MYO3A: variants seen among roughly 807,000 people sequenced by gnomAD.
MYO3A encodes myosin IIIA.
A neutral mutation model predicts 192.7 loss-of-function variants in MYO3A; 180 were observed. That is an observed-to-expected ratio of 0.93 (90% CI 0.83 to 1.06). The LOEUF is 1.06. Among genes scored for constraint, MYO3A ranks in the 50% least tolerant of loss-of-function variants. The probability of loss-of-function intolerance (pLI) is 0.00; values close to 1 mark genes in which losing one functional copy is unlikely to be tolerated. For synonymous variants in MYO3A, 628 were observed against 645.3 expected, an observed-to-expected ratio of 0.97 and a Z score of 0.41; for missense variants, 1,896 against 1,905.0, an observed-to-expected ratio of 1.00 and a Z score of 0.09.
chr10:25,999,088 C>T (rs1479500185), intron 6 of MYO3A, among the ~76,000 whole-genome samples: 2 of 151,986 alleles, frequency 1.3e-5, no homozygotes, highest in Admixed American at 6.5e-5. Context: ...TTAATAGAGA[C>T]GGGGTTTCAC....
intron 17 of MYO3A, among the ~76,000 whole-genome samples, chr10:26,102,243 T>A (rs1484328672): frequency 1.3e-5 from 2 of 152,244 alleles, no homozygotes; most frequent in African/African-American, 4.8e-5. Context: ...GGTTTTCAGC[T>A]CCATCAGATC....
In MYO3A at chr10:26,008,535, AAAAC is replaced by A. The variant is rs1472031818; in HGVS notation, c.509-8278_509-8275del. On this transcript the variant is annotated intron_variant, in intron 6 of 34. Coordinates refer to ENST00000642920, the MANE Select transcript of MYO3A (RefSeq NM_017433.5). ...CTACAATGAACAAATTTACAAGAAA[AAAAC>A]AAACAACCCCCTCAAAAAGTGGGCG... 3.1e-4 allele frequency among the ~76,000 whole-genome samples: 47 copies of A among 149,552 alleles called. 1 individual carries two copies. The highest frequency in any genetic ancestry group is 2.0e-4 in the Admixed American group (3 of 15,100).
chr10:26,170,375 T>C, intron 28 of MYO3A, 41 bp from the exon 29 acceptor site: 2 of 1,602,430 alleles, frequency 1.2e-6, no homozygotes, highest in South Asian at 2.2e-5. Context: ...TTTCTTTTAT[T>C]TGTTTATAAT....
intron 14 of MYO3A, among the ~76,000 whole-genome samples, chr10:26,087,375 C>A (rs1295985181): frequency 6.6e-6 from 1 of 152,098 alleles, no homozygotes; most frequent in Non-Finnish European, 1.5e-5. Flanking sequence ...AAATAGCCAC[C>A]ACTGCTCTCC....
chr10:25,983,746 C>T (rs1027759215), intron 4 of MYO3A, among the ~76,000 whole-genome samples: 3 of 152,272 alleles, frequency 2.0e-5, no homozygotes, highest in East Asian at 1.9e-4. Flanking sequence ...CATCCAAATA[C>T]AAGAAGCTCA....
intron 10 of MYO3A, among the ~76,000 whole-genome samples, chr10:26,037,832 A>G (rs1435414260): frequency 2.6e-5 from 4 of 152,168 alleles, no homozygotes; most frequent in Admixed American, 2.6e-4. Context: ...CAAGGGGGAA[A>G]TTCTACACAC....
At chr10:25,968,377 C>T (rs191944150) in intron 4 of MYO3A, among the ~76,000 whole-genome samples, 2 of 152,204 alleles carry the variant, frequency 1.3e-5, no homozygotes, top group African/African-American at 4.8e-5. Flanking sequence ...AATTTACTGG[C>T]AGAGACCTGC....
intron 20 of MYO3A, among the ~76,000 whole-genome samples, chr10:26,142,631 G>A (rs967455123): frequency 1.3e-5 from 2 of 152,204 alleles, no homozygotes; most frequent in African/African-American, 4.8e-5. Flanking sequence ...TGTTTATAGA[G>A]TAAGGAAATT....
At chr10:26,185,527 A>C (rs1356758955) in intron 31 of MYO3A, among the ~76,000 whole-genome samples, 1 of 151,626 alleles carries the variant, frequency 6.6e-6, no homozygotes, top group Non-Finnish European at 1.5e-5. Flanking sequence ...TTTAGTAGAG[A>C]TGGAGTTTCA....
intron 14 of MYO3A, among the ~76,000 whole-genome samples, chr10:26,078,148 T>C (rs1259515564): frequency 6.7e-6 from 1 of 149,650 alleles, no homozygotes; most frequent in East Asian, 1.9e-4. Flanking sequence ...TTTTTTTTGG[T>C]AATTTTAAAA....
At chr10:26,210,470 A>C (rs1008284706) in intron 34 of MYO3A, among the ~76,000 whole-genome samples, 2 of 152,142 alleles carry the variant, frequency 1.3e-5, no homozygotes, top group African/African-American at 4.8e-5. Flanking sequence ...TTCTACTTCC[A>C]AGTATGACCA....
intron 10 of MYO3A, among the ~76,000 whole-genome samples, chr10:26,042,603 A>G (rs1241903336): frequency 6.6e-6 from 1 of 152,086 alleles, no homozygotes; most frequent in Non-Finnish European, 1.5e-5. Context: ...AATCTGATGC[A>G]TTCTTCTATA....
At chr10:26,154,644 A>G (rs1840997563) in intron 24 of MYO3A, 102 bp from the exon 25 acceptor site, 4 of 995,564 alleles carry the variant, frequency 4.0e-6, no homozygotes, top group Non-Finnish European at 6.3e-6. Context: ...ACATATTTGA[A>G]TGCATAAACT....
At chr10:26,022,411 C>A (rs1400319083) in intron 8 of MYO3A, 3 of 152,152 alleles carry the variant, frequency 2.0e-5, no homozygotes, top group Non-Finnish European at 4.4e-5. Flanking sequence ...ACAGCCAGAG[C>A]CTGTGGTGAC....
chr10:26,163,623 A>C (rs1046721050), intron 26 of MYO3A, among the ~76,000 whole-genome samples: 1 of 152,204 alleles, frequency 6.6e-6, no homozygotes, highest in African/African-American at 2.4e-5. Context: ...AAAAGTGGTA[A>C]TATCATTCAT....
chr10:25,947,583 G>A (rs1836938920), intron 2 of MYO3A, among the ~76,000 whole-genome samples: 1 of 151,816 alleles, frequency 6.6e-6, no homozygotes, highest in African/African-American at 2.4e-5. Context: ...AGTAGAGACA[G>A]GGTTTCTCCA....
chr10:26,093,548 T>G (rs1267435657), intron 15 of MYO3A, among the ~76,000 whole-genome samples: 1 of 152,188 alleles, frequency 6.6e-6, no homozygotes, highest in Admixed American at 6.5e-5. Flanking sequence ...CACTTTTCTT[T>G]GCCCCATGAC....
At chr10:26,036,840 C>A (rs1588834490) in intron 10 of MYO3A, among the ~76,000 whole-genome samples, 1 of 152,290 alleles carries the variant, frequency 6.6e-6, no homozygotes, top group Admixed American at 6.5e-5. Flanking sequence ...GAAATCTCAC[C>A]CACCTTCATT....
At position 25,949,590 on chromosome 10, in the gene MYO3A, A is replaced by G. The variant is rs150316461; in HGVS notation, c.-17-2504A>G. ...ATTTTGGATCAAAGACATGAATTTC[A>G]TAAGGATTAAGTGTTCTAAGAACTA... On this transcript the variant is annotated intron_variant, in intron 2 of 34. Transcript: ENST00000642920. 2.1e-3 allele frequency among the ~76,000 whole-genome samples: 319 copies of G among 152,256 alleles called. 2 individuals are homozygous for G. Among genetic ancestry groups the G allele is most frequent in the African/African-American group, 7.4e-3 (308 of 41,584 alleles).
Sources: allele counts gnomAD v4.1 joint callset (sites outside exome capture counted in the v4.1 genomes callset), GRCh38; gene constraint gnomAD v4.1.1; transcripts MANE v1.5; gene names NCBI Gene and HGNC (gene_info 2026-07-23, HGNC 2026-07-21).